WDFY2: variants seen among roughly 807,000 people sequenced by gnomAD.
WDFY2 encodes the protein WD repeat and FYVE domain containing 2.
WDFY2 carries 36 observed loss-of-function variants against 56.4 expected under a neutral mutation model. That is an observed-to-expected ratio of 0.64 (90% CI 0.49 to 0.84). WDFY2 has a LOEUF of 0.84. Ranked by LOEUF, WDFY2 falls within the 40% of genes least tolerant of loss-of-function variation. The pLI, the probability that WDFY2 is intolerant of heterozygous loss-of-function variation, is 0.00. For missense variants in WDFY2, 444 were observed against 512.2 expected, an observed-to-expected ratio of 0.87 and a Z score of 1.29; for synonymous variants, 176 against 183.7, an observed-to-expected ratio of 0.96 and a Z score of 0.34.
At chr13:51,703,757 C>T (rs1014324971) in intron 4 of WDFY2, 107 bp downstream of exon 4, 1 of 930,620 alleles carries the variant, frequency 1.1e-6, no homozygotes, top group Non-Finnish European at 1.6e-6. Flanking sequence ...GGAAACAAAA[C>T]AGAGCAACCT....
At chr13:51,695,824 G>C (rs1566138820) in intron 3 of WDFY2, among the ~76,000 whole-genome samples, 1 of 152,222 alleles carries the variant, frequency 6.6e-6, no homozygotes, top group Non-Finnish European at 1.5e-5. Flanking sequence ...GCTGTGGTGG[G>C]CTCCACCCAG....
chr13:51,668,653 C>T (rs1955755576), intron 2 of WDFY2, among the ~76,000 whole-genome samples: 1 of 152,172 alleles, frequency 6.6e-6, no homozygotes, highest in African/African-American at 2.4e-5. Flanking sequence ...ATTGAAGACC[C>T]TCTTATTGTG....
intron 2 of WDFY2, among the ~76,000 whole-genome samples, chr13:51,667,615 G>C (rs938519109): frequency 6.6e-6 from 1 of 152,192 alleles, no homozygotes; most frequent in Non-Finnish European, 1.5e-5. Context: ...TCAGTTGAGA[G>C]AGTTTCTTGG....
rs1365542014 is a variant in WDFY2 at position 51,763,237 on chromosome 13, C to A, written c.*3468C>A. 1.3e-5 allele frequency: 2 copies of A among 152,172 alleles called. No homozygotes were observed. The highest frequency in any genetic ancestry group is 2.4e-5 in the African/African-American group (1 of 41,438). The allele number at this position is 152,172 out of a possible 1,614,324, so 9.4% of individuals were successfully genotyped here. Reference sequence around the variant, plus strand: ...AGGAGAGACTTTCAGCACCTTGAGACAGGGCGCTCTCTGGAACCAGCTTTG... The same window carrying A: ...AGGAGAGACTTTCAGCACCTTGAGAAAGGGCGCTCTCTGGAACCAGCTTTG... On this transcript the variant is annotated 3_prime_UTR_variant, in exon 12 of 12. Transcript: ENST00000298125.
At chr13:51,621,281 G>C (rs1954720759) in intron 1 of WDFY2, among the ~76,000 whole-genome samples, 1 of 152,194 alleles carries the variant, frequency 6.6e-6, no homozygotes, top group African/African-American at 2.4e-5. Context: ...GAGGAGGGCA[G>C]ATCACCTGAG....
At chr13:51,758,745 G>A (rs986718247) in intron 11 of WDFY2, among the ~76,000 whole-genome samples, 2 of 152,080 alleles carry the variant, frequency 1.3e-5, no homozygotes, top group Non-Finnish European at 2.9e-5. Flanking sequence ...ATATGTAGCA[G>A]TCAAAACGGT....
chr13:51,737,044 T>C (rs1952852858), intron 6 of WDFY2, among the ~76,000 whole-genome samples: 1 of 152,172 alleles, frequency 6.6e-6, no homozygotes, highest in South Asian at 2.1e-4. Flanking sequence ...ACGTGTTATA[T>C]AGGGGAAATC....
intron 2 of WDFY2, among the ~76,000 whole-genome samples, chr13:51,663,351 G>T (rs1291884605): frequency 3.9e-5 from 6 of 152,078 alleles, no homozygotes; most frequent in South Asian, 4.2e-4. Flanking sequence ...TATTTACTGT[G>T]CATCTACTGT....
At chr13:51,641,577 A>G (rs1955158858) in intron 1 of WDFY2, among the ~76,000 whole-genome samples, 1 of 151,394 alleles carries the variant, frequency 6.6e-6, no homozygotes, top group Non-Finnish European at 1.5e-5. Flanking sequence ...CTGTAATCCC[A>G]GCACTTTGGG....
intron 3 of WDFY2, among the ~76,000 whole-genome samples, chr13:51,676,389 A>G (rs917002404): frequency 6.6e-6 from 1 of 152,228 alleles, no homozygotes; most frequent in Non-Finnish European, 1.5e-5. Flanking sequence ...CGTGGAACTT[A>G]AAGGAGACTA....
At chr13:51,737,719 A>C (rs1015371910) in intron 6 of WDFY2, among the ~76,000 whole-genome samples, 1 of 152,148 alleles carries the variant, frequency 6.6e-6, no homozygotes, top group Non-Finnish European at 1.5e-5. Context: ...CAGACAATAC[A>C]TTTTAACAGA....
chr13:51,702,078 G>A (rs960703798), intron 3 of WDFY2, among the ~76,000 whole-genome samples: 3 of 152,106 alleles, frequency 2.0e-5, no homozygotes, highest in Admixed American at 6.5e-5. Context: ...TTGGGAGGCC[G>A]AGGTGGGCGG....
rs1953738756 is a variant in WDFY2, at chr13:51,766,060, C to T, written c.*6291C>T. 1.3e-5 allele frequency: 2 copies of T among 152,158 alleles called. No homozygotes were observed. The allele number at this position is 152,158 out of a possible 1,614,324, so 9.4% of individuals were successfully genotyped here. On this transcript the variant is annotated 3_prime_UTR_variant, in exon 12 of 12. Coordinates refer to ENST00000298125, the MANE Select transcript of WDFY2 (RefSeq NM_052950.4). ...ATTTGAAAAATGTTTCACATATACA[C>T]TTTTTATCATTTTAGTGGATGGCAG...
At chr13:51,704,773 T>C (rs956654771) in intron 4 of WDFY2, among the ~76,000 whole-genome samples, 2 of 152,246 alleles carry the variant, frequency 1.3e-5, no homozygotes, top group African/African-American at 4.8e-5. Flanking sequence ...ATGCAATTAT[T>C]ATTTATCAAG....
At chr13:51,651,151 A>G (rs560427000) in intron 1 of WDFY2, among the ~76,000 whole-genome samples, 1 of 152,276 alleles carries the variant, frequency 6.6e-6, no homozygotes, top group Admixed American at 6.5e-5. Flanking sequence ...GGGAGGGTGT[A>G]TGTGTCAAGG....
intron 1 of WDFY2, among the ~76,000 whole-genome samples, chr13:51,601,445 G>A (rs75850058): frequency 6.8e-6 from 1 of 147,408 alleles, no homozygotes; most frequent in Non-Finnish European, 1.5e-5. Flanking sequence ...ACATAGTTTT[G>A]CTTTTGTCGC....
At chr13:51,669,573 A>G (rs764692993) in intron 2 of WDFY2, among the ~76,000 whole-genome samples, 10 of 152,228 alleles carry the variant, frequency 6.6e-5, no homozygotes, top group Non-Finnish European at 1.3e-4. Context: ...CAGAAAAGGT[A>G]GATGAGAAAT....
At chr13:51,705,313 A>G (rs1442078663) in intron 4 of WDFY2, among the ~76,000 whole-genome samples, 2 of 152,252 alleles carry the variant, frequency 1.3e-5, no homozygotes, top group African/African-American at 4.8e-5. Context: ...TGACAGAGGC[A>G]TGCAGCTAAA....
At chr13:51,601,532 A>T (rs1366375464) in intron 1 of WDFY2, among the ~76,000 whole-genome samples, 1 of 151,850 alleles carries the variant, frequency 6.6e-6, no homozygotes, top group Non-Finnish European at 1.5e-5. Flanking sequence ...GTCCTGCCTC[A>T]GCCTCCCGAG....
Sources: allele counts gnomAD v4.1 joint callset (sites outside exome capture counted in the v4.1 genomes callset), GRCh38; gene constraint gnomAD v4.1.1; transcripts MANE v1.5; gene names NCBI Gene and HGNC (gene_info 2026-07-23, HGNC 2026-07-21).